Variants in GPBAR1 observed in about 807,000 individuals in gnomAD.
GPBAR1 encodes G-protein coupled bile acid receptor 1.
A neutral mutation model predicts 13.0 loss-of-function variants in GPBAR1; 13 were observed. The observed-to-expected ratio is 1.00, with a 90% CI of 0.65 to 1.59. GPBAR1 has a LOEUF of 1.59. Among genes scored for constraint, GPBAR1 ranks in the 40% most tolerant of loss-of-function variants. The pLI is 0.00. For synonymous variants in GPBAR1, 193 were observed against 205.2 expected (o/e 0.94, Z 0.51); for missense variants, 398 against 436.4 (o/e 0.91, Z 0.78).
In GPBAR1 at chr2:218,262,721, C is replaced by A; in HGVS notation, c.-4C>A. The A allele has an allele frequency of 6.4e-7, 1 of 1,574,724 alleles. No individual in the cohort carries two copies. Among genetic ancestry groups the A allele is most frequent in the Non-Finnish European group, 8.6e-7 (1 of 1,159,468 alleles). ...TCCAGGACTCCCCTGTCCCCAGGAC[C>A]AAGATGACGCCCAACAGCACTGGCG... is the stretch of plus-strand genomic sequence containing the variant. On this transcript the variant is annotated 5_prime_UTR_variant, in exon 2 of 2. Coordinates refer to ENST00000519574, the MANE Select transcript of GPBAR1 (RefSeq NM_170699.3). The surrounding 1 kb of genome is among the most constrained non-coding windows in gnomAD (Gnocchi z 5.1).
upstream of GPBAR1, among the ~76,000 whole-genome samples, chr2:218,260,656 G>A (rs1246256394): frequency 6.6e-6 from 1 of 152,182 alleles, no homozygotes; most frequent in Non-Finnish European, 1.5e-5. Flanking sequence ...GGATGGGGGA[G>A]TGAAGATCCT....
upstream of GPBAR1, chr2:218,259,528 C>G (rs922135509): frequency 1.3e-5 from 2 of 152,412 alleles, no homozygotes; most frequent in African/African-American, 4.8e-5. Context: ...GAGGACCGGC[C>G]CTGGAACCCT....
chr2:218,259,990 A>C (rs953488344), upstream of GPBAR1: 3 of 152,212 alleles, frequency 2.0e-5, no homozygotes, highest in African/African-American at 7.2e-5. Context: ...GTGCAGCAAG[A>C]GTGTCACTCC....
Position 218,263,673 on chromosome 2 carries a change from T to C in GPBAR1, c.949T>C (p.Tyr317His). 1 of 1,612,896 alleles carries C rather than the reference T, an allele frequency of 6.2e-7. No homozygotes were observed. The highest frequency in any genetic ancestry group is 8.5e-7 in the Non-Finnish European group (1 of 1,179,862). ...GGACAGTCCCGGCCCCAGCATTGCC[T>C]ACCACCCAAGCAGCCAAAGCAGTGT... ...SRDSPGPSIA[Y>H]HPSSQSSVDL... Residue 317 changes from tyrosine to histidine, a missense_variant, in exon 2 of 2, where the codon TAC (tyrosine) becomes CAC (histidine). Transcript: ENST00000519574. The surrounding 1 kb of genome is among the most constrained non-coding windows in gnomAD (Gnocchi z 4.2).
At chr2:218,260,510 A>G (rs1456397814), upstream of GPBAR1, among the ~76,000 whole-genome samples, 3 of 152,182 alleles carry the variant, frequency 2.0e-5, no homozygotes, top group Admixed American at 6.5e-5. Context: ...TACCTTACCC[A>G]TGGTCACATC....
chr2:218,260,578 G>T (rs1023243388), upstream of GPBAR1, among the ~76,000 whole-genome samples: 2 of 152,176 alleles, frequency 1.3e-5, no homozygotes, highest in African/African-American at 4.8e-5. Flanking sequence ...GTTGAGAAAA[G>T]TGTGGAATGA....
chr2:218,262,574 G>C lies in GPBAR1; in HGVS notation c.-45-106G>C, dbSNP rs1690454054. 2.5e-5 allele frequency: 18 copies of C among 710,934 alleles called. 1 individual carries two copies. Among genetic ancestry groups the C allele is most frequent in the Middle Eastern group, 4.0e-4 (1 of 2,526 alleles). The allele number at this position is 710,934 out of a possible 1,614,324, so 44.0% of individuals were successfully genotyped here. ...AAAAATTCTGTGTATCAGCGAACAT[G>C]ATACAGCCCACAGCCTGCGGGTCTG... On this transcript the variant is annotated intron_variant, in intron 1 of 1. Transcript: ENST00000519574. This position sits in a 1 kb window ranked among gnomAD's most constrained non-coding sequence, Gnocchi z 5.1.
In GPBAR1 at chr2:218,262,776, T is replaced by C. The variant is rs140737899; in HGVS notation, c.52T>C (p.Leu18=). ...EVPSPIPKGA[L]GLSLALASLI... is the part of the protein sequence containing the mutation. Reference sequence around the variant, plus strand: ...GCCCAGCCCCATTCCCAAGGGGGCTTTGGGGCTCTCCCTGGCCCTGGCAAG... The same window carrying C: ...GCCCAGCCCCATTCCCAAGGGGGCTCTGGGGCTCTCCCTGGCCCTGGCAAG... The change falls in exon 2 of 2, where the codon TTG becomes CTG. Residue 18 remains leucine (L), a synonymous_variant. Coordinates refer to ENST00000519574, the MANE Select transcript of GPBAR1 (RefSeq NM_170699.3). This position sits in a 1 kb window ranked among gnomAD's most constrained non-coding sequence, Gnocchi z 5.1. 4 of 1,610,694 alleles carry C rather than the reference T, an allele frequency of 2.5e-6. No individual in the cohort carries two copies. The highest frequency in any genetic ancestry group is 3.4e-6 in the Non-Finnish European group (4 of 1,178,452).
rs1280664796 is a variant in GPBAR1 at position 218,262,220 on chromosome 2, T to A, written c.-45-460T>A. The A allele has an allele frequency of 6.4e-6, 1 of 155,470 alleles. No individual in the cohort carries two copies. The highest frequency in any genetic ancestry group is 2.4e-5 in the African/African-American group (1 of 41,484). The allele number at this position is 155,470 out of a possible 1,614,324, so 9.6% of individuals were successfully genotyped here. A position where few individuals can be genotyped will look rare whatever the true frequency, so the allele number is the denominator to read the frequency against. ...ACCTGGCCCGCTGGAGCCTGTCACC[T>A]AATGGCTGGCTGGAAGACCACTACA... is the stretch of plus-strand genomic sequence containing the variant. On this transcript the variant is annotated intron_variant, in intron 1 of 1. Coordinates refer to ENST00000519574, the MANE Select transcript of GPBAR1 (RefSeq NM_170699.3). This position sits in a 1 kb window ranked among gnomAD's most constrained non-coding sequence, Gnocchi z 5.1.
intron 1 of GPBAR1, among the ~76,000 whole-genome samples, chr2:218,261,456 G>A (rs1438504828): frequency 6.6e-6 from 1 of 152,180 alleles, no homozygotes; most frequent in Non-Finnish European, 1.5e-5. Context: ...TGGACCCTGA[G>A]TCTCACGGGA....
At chr2:218,260,528 C>G (rs1191382089), upstream of GPBAR1, among the ~76,000 whole-genome samples, 1 of 152,196 alleles carries the variant, frequency 6.6e-6, no homozygotes, top group Non-Finnish European at 1.5e-5. Context: ...ATCCCCAGAG[C>G]CATTTGTCCC....
Position 218,261,044 on chromosome 2 carries a change from G to A in GPBAR1, c.-218G>A, listed in dbSNP as rs1478560141. 6.6e-6 allele frequency: 1 copy of A among 152,246 alleles called. No homozygotes were observed. Among genetic ancestry groups the A allele is most frequent in the African/African-American group, 2.4e-5 (1 of 41,444 alleles). 9.4% of individuals were successfully genotyped at this position (152,246 alleles called of 1,614,324 possible). The stretch of plus-strand genomic sequence containing the variant: ...ACCCAGACGGGCAGAGCCTGGGTAG[G>A]AGAGCCTGGCCCCGCTGTCCCCACT... On this transcript the variant is annotated 5_prime_UTR_variant, in exon 1 of 2. Coordinates refer to ENST00000519574, the MANE Select transcript of GPBAR1 (RefSeq NM_170699.3).
At position 218,262,875 on chromosome 2, in the gene GPBAR1, GGCT is replaced by G. The variant is rs759934564; in HGVS notation, c.155_157del (p.Cys52del). 4 of 1,613,762 alleles carry G rather than the reference GGCT, an allele frequency of 2.5e-6. No homozygotes were observed. The highest frequency in any genetic ancestry group is 2.2e-5 in the South Asian group (2 of 91,046). On this transcript the variant is annotated inframe_deletion, in exon 2 of 2. Transcript: ENST00000519574. The surrounding 1 kb of genome is among the most constrained non-coding windows in gnomAD (Gnocchi z 5.1). Reference sequence around the variant, plus strand: ...CCGCCGCCTGCGCAGCCCACCTGCTGGCTGCTTCTTCCTGAGCCTACTGCTGGC... The same window carrying G: ...CCGCCGCCTGCGCAGCCCACCTGCTGGCTTCTTCCTGAGCCTACTGCTGGC...
In GPBAR1 at chr2:218,263,754, T is replaced by C. The variant is rs752494600; in HGVS notation, c.*37T>C. ...CTGCTGACTCCTACCAGAGCATCCG[T>C]CCAGCTCAGCCATCCAGCCTGTCTC... On this transcript the variant is annotated 3_prime_UTR_variant, in exon 2 of 2. Coordinates refer to ENST00000519574, the MANE Select transcript of GPBAR1 (RefSeq NM_170699.3). This position sits in a 1 kb window ranked among gnomAD's most constrained non-coding sequence, Gnocchi z 4.2. The C allele has an allele frequency of 1.9e-6, 3 of 1,612,420 alleles. No homozygotes were observed. The Admixed American group carries it at 5.0e-5, about 27-fold the overall frequency.
intron 1 of GPBAR1, among the ~76,000 whole-genome samples, chr2:218,261,610 TTGGA>T (rs1293249229): frequency 6.6e-6 from 1 of 151,924 alleles, no homozygotes; most frequent in Non-Finnish European, 1.5e-5. Flanking sequence ...GCATAAGGCC[TTGGA>T]GGCCCAGGCT....
In GPBAR1 at chr2:218,263,421, T is replaced by C; in HGVS notation, c.697T>C (p.Phe233Leu). Residue 233 changes from phenylalanine to leucine, a missense_variant, in exon 2 of 2, where the codon TTC (phenylalanine) becomes CTC (leucine). By Grantham distance (22) the Phe-to-Leu change is conservative (BLOSUM62 0). Coordinates refer to ENST00000519574, the MANE Select transcript of GPBAR1 (RefSeq NM_170699.3). This position sits in a 1 kb window ranked among gnomAD's most constrained non-coding sequence, Gnocchi z 4.2. Reference sequence around the variant, plus strand: ...GGCACAGGCTGGAGCCATGCTGCTCTTCGGGCTGTGCTGGGGGCCCTACGT... The same window carrying C: ...GGCACAGGCTGGAGCCATGCTGCTCCTCGGGCTGTGCTGGGGGCCCTACGT... ...ARAQAGAMLL[F>L]GLCWGPYVAT... 1.9e-6 allele frequency: 3 copies of C among 1,602,958 alleles called. No individual in the cohort carries two copies. The highest frequency in any genetic ancestry group is 2.6e-6 in the Non-Finnish European group (3 of 1,175,744).
chr2:218,260,473 AC>A (rs1574603054), upstream of GPBAR1, among the ~76,000 whole-genome samples: 1 of 152,212 alleles, frequency 6.6e-6, no homozygotes, highest in Non-Finnish European at 1.5e-5. Flanking sequence ...TCCCATTTTA[AC>A]ACAGGCAAAA....
At chr2:218,260,489 A>G (rs1165823128), upstream of GPBAR1, among the ~76,000 whole-genome samples, 2 of 152,246 alleles carry the variant, frequency 1.3e-5, no homozygotes, top group Non-Finnish European at 2.9e-5. Context: ...GCAAAAACCG[A>G]GGCCCAGTAG....
Position 218,263,305 on chromosome 2 carries a change from G to A in GPBAR1, c.581G>A (p.Arg194His), listed in dbSNP as rs369876318. Residue 194 changes from arginine (R) to histidine (H), a missense_variant, in exon 2 of 2, where the codon CGC becomes CAC. Coordinates refer to ENST00000519574, the MANE Select transcript of GPBAR1 (RefSeq NM_170699.3). The surrounding 1 kb of genome is among the most constrained non-coding windows in gnomAD (Gnocchi z 4.2). ...LSVRVLATAH[R>H]QLQDICRLER... ...GTCCGCGTGCTGGCCACTGCCCACC[G>A]CCAGCTGCAGGACATCTGCCGGCTG... is the stretch of plus-strand genomic sequence containing the variant. 29 of 1,605,196 alleles carry A rather than the reference G, an allele frequency of 1.8e-5. No individual in the cohort carries two copies. Among genetic ancestry groups the A allele is most frequent in the Middle Eastern group, 1.6e-4 (1 of 6,072 alleles).
Sources: gnomAD v4.1 joint callset for allele counts (sites outside exome capture counted in the v4.1 genomes callset) on GRCh38, gnomAD v4.1.1 for gene constraint, Gnocchi (gnomAD v3.1) non-coding constraint, MANE v1.5 for transcripts, NCBI Gene and HGNC (gene_info 2026-07-23, HGNC 2026-07-21) for gene names.